Variants in DNAJC11 observed in about 807,000 individuals in gnomAD.
DNAJC11 encodes DnaJ heat shock protein family (Hsp40) member C11, also known as dnaJ homolog subfamily C member 11.
Under a neutral mutation model 78.6 loss-of-function variants are expected in DNAJC11, and 15 were observed. The ratio of observed to expected loss-of-function variants is 0.19; its 90% CI spans 0.13 to 0.29. DNAJC11 has a LOEUF of 0.29. DNAJC11 is among the 10% of genes least tolerant of loss of function. The probability of loss-of-function intolerance (pLI) is 1.00; values close to 1 mark genes in which losing one functional copy is unlikely to be tolerated. For missense variants in DNAJC11, 547 were observed against 709.6 expected, an observed-to-expected ratio of 0.77 and a Z score of 2.60; for synonymous variants, 292 against 272.1, an observed-to-expected ratio of 1.07 and a Z score of -0.72.
At chr1:6,661,777 T>C (rs1419463599) in intron 4 of DNAJC11, among the ~76,000 whole-genome samples, 1 of 152,206 alleles carries the variant, frequency 6.6e-6, no homozygotes, top group Non-Finnish European at 1.5e-5. Context: ...GAATCACTTC[T>C]GCAGAACAGA....
rs759752759 is a variant in DNAJC11 at position 6,634,513 on chromosome 1, C to T, written c.*1162G>A. The T allele has an allele frequency of 8.1e-6, 11 of 1,353,920 alleles. No homozygotes were observed. Among genetic ancestry groups the T allele is most frequent in the East Asian group, 9.3e-5 (2 of 21,482 alleles). 83.9% of individuals were successfully genotyped at this position (1,353,920 alleles called of 1,614,324 possible). A position where few individuals can be genotyped will look rare whatever the true frequency, so the allele number is the denominator to read the frequency against. On this transcript the variant is annotated 3_prime_UTR_variant, in exon 16 of 16. Coordinates refer to ENST00000377577, the MANE Select transcript of DNAJC11 (RefSeq NM_018198.4). ...GAGGCCGGCGCAGCTTGGGGCCCCC[C>T]GCGCCAGCTGTCTCAGCCACCACCT...
intron 1 of DNAJC11, among the ~76,000 whole-genome samples, chr1:6,681,975 A>G (rs2147879594): frequency 6.6e-6 from 1 of 152,116 alleles, no homozygotes; most frequent in South Asian, 2.1e-4. Flanking sequence ...CATTTTGACA[A>G]CTGAAGCACA....
chr1:6,676,962 T>C (rs1642472905), intron 3 of DNAJC11, among the ~76,000 whole-genome samples: 1 of 151,424 alleles, frequency 6.6e-6, no homozygotes, highest in Non-Finnish European at 1.5e-5. Flanking sequence ...TCGTCTGAGG[T>C]CAGGAGTTCG....
intron 14 of DNAJC11, 102 bp from the exon 15 acceptor site, chr1:6,636,348 C>G: frequency 6.8e-7 from 1 of 1,479,214 alleles, no homozygotes; most frequent in Non-Finnish European, 9.1e-7. Context: ...TCTGACATTC[C>G]CTGGGGAGAT....
intron 1 of DNAJC11, among the ~76,000 whole-genome samples, chr1:6,698,276 T>C (rs770635738): frequency 6.6e-6 from 1 of 152,180 alleles, no homozygotes; most frequent in Non-Finnish European, 1.5e-5. Context: ...TGGCAACTAC[T>C]CTAGAACTGA....
At chr1:6,638,953 T>C (rs1014318233) in intron 11 of DNAJC11, among the ~76,000 whole-genome samples, 1 of 152,238 alleles carries the variant, frequency 6.6e-6, no homozygotes, top group Non-Finnish European at 1.5e-5. Context: ...ACATGTCTTG[T>C]TCTAAGCCTC....
intron 7 of DNAJC11, among the ~76,000 whole-genome samples, chr1:6,647,566 T>C (rs1641985023): frequency 6.6e-6 from 1 of 151,000 alleles, no homozygotes; most frequent in East Asian, 2.0e-4. Context: ...ACGCCTGTAA[T>C]CCCAGCACTT....
intron 1 of DNAJC11, among the ~76,000 whole-genome samples, chr1:6,688,396 T>A (rs1213724342): frequency 6.6e-6 from 1 of 152,198 alleles, no homozygotes; most frequent in Non-Finnish European, 1.5e-5. Flanking sequence ...GTAGACAAGG[T>A]GAGTATGTCA....
Position 6,680,699 on chromosome 1 carries a change from GTC to G in DNAJC11, c.202+207_202+208del, listed in dbSNP as rs1276683521. Among the ~76,000 whole-genome samples, 1 of 152,096 alleles carries G rather than the reference GTC, an allele frequency of 6.6e-6. No individual in the cohort carries two copies. The highest frequency in any genetic ancestry group is 6.6e-5 in the Admixed American group (1 of 15,254). ...GAGACTCTGTCTATTACCTCGCCCGGTCTCTCATTTTCTACTTACTGGACACG... is the reference window on the plus strand; with the variant it reads ...GAGACTCTGTCTATTACCTCGCCCGGTCTCATTTTCTACTTACTGGACACG... On this transcript the variant is annotated intron_variant, in intron 2 of 15. Transcript: ENST00000377577. This position sits in a 1 kb window ranked among gnomAD's most constrained non-coding sequence, Gnocchi z 4.0.
At chr1:6,656,583 G>A (rs1046783319) in intron 4 of DNAJC11, among the ~76,000 whole-genome samples, 4 of 151,944 alleles carry the variant, frequency 2.6e-5, no homozygotes, top group Admixed American at 2.6e-4. Context: ...TCAATTAAAT[G>A]TGTCAAAAAT....
At chr1:6,692,661 A>AT in intron 1 of DNAJC11, among the ~76,000 whole-genome samples, 1 of 138,668 alleles carries the variant, frequency 7.2e-6, no homozygotes, top group Non-Finnish European at 1.5e-5. Context: ...CCCAAGATGG[A>AT]GTGCAATGGC....
intron 1 of DNAJC11, among the ~76,000 whole-genome samples, chr1:6,701,035 G>A (rs747444764): frequency 1.3e-5 from 2 of 152,204 alleles, no homozygotes; most frequent in African/African-American, 2.4e-5. Context: ...AGGAGACAGG[G>A]TACAAGTGCT....
intron 4 of DNAJC11, among the ~76,000 whole-genome samples, chr1:6,667,337 C>T (rs1266615624): frequency 2.0e-5 from 3 of 152,168 alleles, no homozygotes. Context: ...GTCCTCTGCC[C>T]TGCCTGCCTC....
Position 6,634,381 on chromosome 1 carries a change from C to T in DNAJC11, c.*1294G>A. 1 of 1,177,894 alleles carries T rather than the reference C, an allele frequency of 8.5e-7. No homozygotes were observed. Among genetic ancestry groups the T allele is most frequent in the South Asian group, 1.5e-5 (1 of 64,790 alleles). 73.0% of individuals were successfully genotyped at this position (1,177,894 alleles called of 1,614,324 possible). A position where few individuals can be genotyped will look rare whatever the true frequency, so the allele number is the denominator to read the frequency against. On this transcript the variant is annotated 3_prime_UTR_variant, in exon 16 of 16. Transcript: ENST00000377577. ...TGGAGATGAATGTTACAGAATTGGA[C>T]AACCCGAACTGCTTTTCAAAACCAG... is the stretch of plus-strand genomic sequence containing the variant.
intron 1 of DNAJC11, among the ~76,000 whole-genome samples, chr1:6,691,246 G>T (rs1002166346): frequency 6.7e-6 from 1 of 149,682 alleles, no homozygotes; most frequent in Non-Finnish European, 1.5e-5. Context: ...GGCAGAGAAG[G>T]AATCAGGTCT....
rs980904236 is a variant in DNAJC11 at position 6,678,267 on chromosome 1, C to T, written c.276+127G>A. On this transcript the variant is annotated intron_variant, in intron 3 of 15. Transcript: ENST00000377577. Reference sequence around the variant, plus strand: ...CAACCTCTAAAACAAAAATACAGGGCAAGGAAGGGGGCTCTAATGGTTTCA... The same window carrying T: ...CAACCTCTAAAACAAAAATACAGGGTAAGGAAGGGGGCTCTAATGGTTTCA... The T allele has an allele frequency of 1.3e-5, 13 of 1,022,172 alleles. No homozygotes were observed. In the Admixed American group the frequency reaches 2.5e-4, roughly 19 times the overall value. The allele number at this position is 1,022,172 out of a possible 1,614,324, so 63.3% of individuals were successfully genotyped here. A position where few individuals can be genotyped will look rare whatever the true frequency, so the allele number is the denominator to read the frequency against.
intron 1 of DNAJC11, among the ~76,000 whole-genome samples, chr1:6,691,354 A>G (rs1642742844): frequency 6.6e-6 from 1 of 152,198 alleles, no homozygotes; most frequent in South Asian, 2.1e-4. Context: ...GCAAGGGCTC[A>G]GGAAATCTTC....
At chr1:6,686,619 A>G (rs1257588955) in intron 1 of DNAJC11, among the ~76,000 whole-genome samples, 1 of 152,216 alleles carries the variant, frequency 6.6e-6, no homozygotes, top group Non-Finnish European at 1.5e-5. Context: ...ATCACCAGCT[A>G]GAACTAGTCC....
intron 4 of DNAJC11, among the ~76,000 whole-genome samples, chr1:6,665,699 C>T (rs1049968696): frequency 3.3e-5 from 5 of 152,168 alleles, no homozygotes; most frequent in Non-Finnish European, 7.3e-5. Context: ...CAATAAGCAA[C>T]TGCCACACAC....
Sources: gnomAD v4.1 joint callset for allele counts (sites outside exome capture counted in the v4.1 genomes callset) on GRCh38, gnomAD v4.1.1 for gene constraint, Gnocchi (gnomAD v3.1) non-coding constraint, MANE v1.5 for transcripts, NCBI Gene and HGNC (gene_info 2026-07-23, HGNC 2026-07-21) for gene names.